The following NDE1 variants were observed in gnomAD, a reference collection of about 807,000 sequenced individuals.
NDE1 encodes the protein nuclear distribution protein nudE homolog 1.
In NDE1, 28 loss-of-function variants were observed where a neutral mutation model predicts 43.4. That is an observed-to-expected ratio of 0.65 (90% confidence interval 0.48 to 0.89). The LOEUF (loss-of-function observed/expected upper bound fraction) is 0.89. NDE1 is among the 40% of genes least tolerant of loss of function. NDE1 has a pLI of 0.00. For missense variants in NDE1, 441 were observed against 434.1 expected (o/e 1.02, Z -0.14); for synonymous variants, 184 against 172.0 (o/e 1.07, Z -0.55).
At chr16:15,696,382 A>C (rs2151140662) in intron 7 of NDE1, among the ~76,000 whole-genome samples, 1 of 115,198 alleles carries the variant, frequency 8.7e-6, no homozygotes, top group South Asian at 2.8e-4. Flanking sequence ...AGTAAAAAAC[A>C]AAACAAAAAA....
intron 3 of NDE1, among the ~76,000 whole-genome samples, chr16:15,671,414 G>T (rs1334248053): frequency 6.6e-6 from 1 of 152,164 alleles, no homozygotes; most frequent in African/African-American, 2.4e-5. Flanking sequence ...AGAGGCTGAG[G>T]CAGGAGCATT....
chr16:15,686,449 G>A (rs1319513925), intron 4 of NDE1: 1 of 985,246 alleles, frequency 1.0e-6, no homozygotes, highest in Non-Finnish European at 1.2e-6. Flanking sequence ...TTGTGAGCAG[G>A]GCAGCTGGGC....
chr16:15,717,483 C>T, intron 8 of NDE1: 2 of 855,112 alleles, frequency 2.3e-6, no homozygotes, highest in Non-Finnish European at 3.7e-6. Flanking sequence ...CTCCTTCATC[C>T]TGTAAAACTC....
chr16:15,690,618 T>A (rs1252816696), intron 5 of NDE1, among the ~76,000 whole-genome samples: 2 of 152,104 alleles, frequency 1.3e-5, no homozygotes, highest in African/African-American at 4.8e-5. Context: ...TTTTTAAAAA[T>A]CTGAAACCAT....
chr16:15,700,515 A>G (rs796662065), intron 8 of NDE1: 6 of 146,108 alleles, frequency 4.1e-5, no homozygotes, highest in African/African-American at 1.3e-4. Context: ...GTAGTGGTGC[A>G]ATTTCGGCTC....
At chr16:15,705,143 G>A (rs1197508315) in intron 8 of NDE1, among the ~76,000 whole-genome samples, 2 of 151,944 alleles carry the variant, frequency 1.3e-5, no homozygotes, top group African/African-American at 4.8e-5. Context: ...TGCCACGCCT[G>A]GCTAATTTTT....
intron 8 of NDE1, chr16:15,718,481 G>A (rs557354837): frequency 1.7e-5 from 26 of 1,536,964 alleles, no homozygotes; most frequent in South Asian, 9.4e-5. Context: ...ACCCTCCCCC[G>A]CCTTAAAAGA....
intron 8 of NDE1, among the ~76,000 whole-genome samples, chr16:15,712,501 G>C (rs924504073): frequency 2.0e-5 from 3 of 151,836 alleles, no homozygotes; most frequent in African/African-American, 7.3e-5. Flanking sequence ...TATAAAAATA[G>C]GCCAAAAATA....
intron 4 of NDE1, 23 bp from the exon 5 acceptor site, chr16:15,687,352 A>G: frequency 6.2e-7 from 1 of 1,614,002 alleles, no homozygotes; most frequent in Non-Finnish European, 8.5e-7. Flanking sequence ...CCTCTTGGAT[A>G]ACTCTGCTTT....
At chr16:15,692,117 C>A (rs199717122) in intron 6 of NDE1, among the ~76,000 whole-genome samples, 1 of 151,934 alleles carries the variant, frequency 6.6e-6, no homozygotes, top group African/African-American at 2.4e-5. Flanking sequence ...TGACAGCTTC[C>A]GATCAGGCCT....
At chr16:15,718,114 C>T (rs1045040791) in intron 8 of NDE1, 15 of 782,272 alleles carry the variant, frequency 1.9e-5, no homozygotes, top group South Asian at 1.7e-5. Flanking sequence ...GACACTGCAG[C>T]GTGGAGAGGA....
chr16:15,673,885 A>G (rs562348538), intron 3 of NDE1, among the ~76,000 whole-genome samples: 36 of 152,228 alleles, frequency 2.4e-4, no homozygotes, highest in Admixed American at 1.3e-3. Context: ...GGTGATCTGG[A>G]TTGAGATGGT....
chr16:15,708,335 G>A (rs1394992416), intron 8 of NDE1, among the ~76,000 whole-genome samples: 1 of 152,152 alleles, frequency 6.6e-6, no homozygotes, highest in Non-Finnish European at 1.5e-5. Flanking sequence ...TTGTGACCCA[G>A]ACCAGCCAAC....
intron 7 of NDE1, chr16:15,694,973 C>T (rs762099891): frequency 3.3e-6 from 3 of 922,886 alleles, no homozygotes; most frequent in African/African-American, 1.8e-5. Flanking sequence ...GAGTCTGACA[C>T]CAGCCCGGGC....
chr16:15,708,124 C>T (rs1346761459), intron 8 of NDE1, among the ~76,000 whole-genome samples: 1 of 152,140 alleles, frequency 6.6e-6, no homozygotes, highest in East Asian at 1.9e-4. Context: ...CAGGACTGTG[C>T]TTGGCTTTGC....
At chr16:15,658,230 G>A (rs1332390146) in intron 1 of NDE1, among the ~76,000 whole-genome samples, 1 of 152,194 alleles carries the variant, frequency 6.6e-6, no homozygotes, top group Admixed American at 6.5e-5. Flanking sequence ...ACCAACCCTA[G>A]TGGAAAGAGA....
rs142427490 is a variant in NDE1 at position 15,685,536 on chromosome 16, C to A, written c.387-1839C>A. On this transcript the variant is annotated intron_variant, in intron 4 of 8. Coordinates refer to ENST00000396354, the MANE Select transcript of NDE1 (RefSeq NM_017668.3). ...AAAGTGCTGGGATTATAGGCATGAA[C>A]CACTGTGCTTGTCCCTTTGTTGTTT... Among the ~76,000 whole-genome samples the A allele has an allele frequency of 6.0e-4, 91 of 152,270 alleles. 1 individual carries two copies. The highest frequency in any genetic ancestry group is 3.4e-3 in the Middle Eastern group (1 of 294).
Position 15,724,854 on chromosome 16 carries a change from C to T in NDE1, c.*603C>T, listed in dbSNP as rs1414050330. 1 of 1,613,706 alleles carries T rather than the reference C, an allele frequency of 6.2e-7. No individual in the cohort carries two copies. Among genetic ancestry groups the T allele is most frequent in the Non-Finnish European group, 8.5e-7 (1 of 1,179,964 alleles). On this transcript the variant is annotated 3_prime_UTR_variant, in exon 9 of 9. Transcript: ENST00000396354. ...GACCTGCCCCGAGGAAGGCCACCCC[C>T]CAGGTCCCCTGGATGATGTGGCAGG... is the stretch of plus-strand genomic sequence containing the variant.
At chr16:15,653,407 G>A (rs2036599553) in intron 1 of NDE1, among the ~76,000 whole-genome samples, 1 of 152,192 alleles carries the variant, frequency 6.6e-6, no homozygotes, top group Non-Finnish European at 1.5e-5. Context: ...CCTGCAAAAT[G>A]CAAAGCCTGC....
Sources: gnomAD v4.1 joint callset for allele counts (sites outside exome capture counted in the v4.1 genomes callset) on GRCh38, gnomAD v4.1.1 for gene constraint, MANE v1.5 for transcripts, NCBI Gene and HGNC (gene_info 2026-07-23, HGNC 2026-07-21) for gene names.